The following RNF114 variants were observed in gnomAD, a reference collection of about 807,000 sequenced individuals.
The protein encoded by RNF114 is ring finger protein 114.
A neutral mutation model predicts 28.4 loss-of-function variants in RNF114; 6 were observed. That is an observed-to-expected ratio of 0.21 (90% CI 0.12 to 0.42). The LOEUF (loss-of-function observed/expected upper bound fraction) is 0.42. RNF114 is among the 10% of genes least tolerant of loss of function. The pLI is 1.00. For synonymous variants in RNF114, 115 were observed against 116.7 expected, an observed-to-expected ratio of 0.99 and a Z score of 0.09; for missense variants, 249 against 311.7, an observed-to-expected ratio of 0.80 and a Z score of 1.51.
Position 49,946,235 on chromosome 20 carries a change from G to C in RNF114, c.498G>C (p.Thr166=), listed in dbSNP as rs191315151. The change falls in exon 4 of 6, where the codon ACG becomes ACC. Residue 166 remains threonine (T), a synonymous_variant. Coordinates refer to ENST00000244061, the MANE Select transcript of RNF114 (RefSeq NM_018683.4). Reference sequence around the variant, plus strand: ...AACACTGCAAATTATTCCATAGCACGGATACCAAATCTGTGGTGAGTAACC... The same window carrying C: ...AACACTGCAAATTATTCCATAGCACCGATACCAAATCTGTGGTGAGTAACC... ...LVEHCKLFHS[T]DTKSVVCPIC... 1.7e-5 allele frequency: 27 copies of C among 1,574,772 alleles called. No individual in the cohort carries two copies. The African/African-American group carries it at 3.0e-4, about 18-fold the overall frequency.
intron 1 of RNF114, 84 bp downstream of exon 1, chr20:49,936,636 G>A (rs920319751): frequency 3.3e-5 from 49 of 1,496,300 alleles, no homozygotes; most frequent in Non-Finnish European, 4.0e-5. Flanking sequence ...CTCAGGGCGG[G>A]AGCCAGAGGA....
rs1335939696 is a variant in RNF114, at chr20:49,946,142, T to A, written c.405T>A (p.Val135=). Residue 135 remains valine, a synonymous_variant, in exon 4 of 6, where the codon GTT becomes GTA. Transcript: ENST00000244061. ...IKDASLQPRN[V]PNRYTFPCPY... Reference sequence around the variant, plus strand: ...CCTGTGTTTCACCTTCCAGGAATGTTCCAAACCGTTACACCTTTCCTTGTC... The same window carrying A: ...CCTGTGTTTCACCTTCCAGGAATGTACCAAACCGTTACACCTTTCCTTGTC... The A allele has an allele frequency of 1.3e-6, 2 of 1,588,842 alleles. No individual in the cohort carries two copies. Among genetic ancestry groups the A allele is most frequent in the South Asian group, 2.3e-5 (2 of 86,614 alleles).
intron 5 of RNF114, 67 bp downstream of exon 5, chr20:49,949,422 A>G (rs1314648875): frequency 3.2e-5 from 43 of 1,339,944 alleles, no homozygotes; most frequent in Middle Eastern, 2.5e-4. Context: ...ACTCTTCTCA[A>G]AAGGGGAAAT....
Position 49,952,991 on chromosome 20 carries a change from T to C in RNF114, c.*850T>C, listed in dbSNP as rs76475962. On this transcript the variant is annotated 3_prime_UTR_variant, in exon 6 of 6. Coordinates refer to ENST00000244061, the MANE Select transcript of RNF114 (RefSeq NM_018683.4). Reference sequence around the variant, plus strand: ...CCATTTGGGAGCCTGCCTACATTCTTGTTCTAGAAGCACAAAAAATCCTCA... The same window carrying C: ...CCATTTGGGAGCCTGCCTACATTCTCGTTCTAGAAGCACAAAAAATCCTCA... 1 of 152,296 alleles carries C rather than the reference T, an allele frequency of 6.6e-6. No homozygotes were observed. Among genetic ancestry groups the C allele is most frequent in the South Asian group, 2.1e-4 (1 of 4,824 alleles). The allele number at this position is 152,296 out of a possible 1,614,324, so 9.4% of individuals were successfully genotyped here.
At chr20:49,937,512 A>G (rs2090292406) in intron 1 of RNF114, among the ~76,000 whole-genome samples, 1 of 152,128 alleles carries the variant, frequency 6.6e-6, no homozygotes, top group African/African-American at 2.4e-5. Flanking sequence ...ACAGGTGAAT[A>G]CACTGAGGGT....
chr20:49,939,626 T>G (rs1017530134), intron 1 of RNF114, among the ~76,000 whole-genome samples: 10 of 152,110 alleles, frequency 6.6e-5, no homozygotes, highest in African/African-American at 2.4e-4. Flanking sequence ...TATCAAGTCC[T>G]CCTGATTCTA....
At chr20:49,943,873 G>GATAC (rs1555857476) in intron 2 of RNF114, 1 of 122,136 alleles carries the variant, frequency 8.2e-6, no homozygotes, top group Non-Finnish European at 1.7e-5. Context: ...TACACACAGA[G>GATAC]ATATATATAT....
chr20:49,950,957 T>A (rs1234686304), intron 5 of RNF114, among the ~76,000 whole-genome samples: 1 of 152,128 alleles, frequency 6.6e-6, no homozygotes, highest in African/African-American at 2.4e-5. Context: ...ATACTTCAGG[T>A]CAAATAGCAT....
chr20:49,941,810 G>A, intron 2 of RNF114, 99 bp downstream of exon 2: 2 of 1,289,396 alleles, frequency 1.6e-6, no homozygotes, highest in Non-Finnish European at 2.2e-6. Flanking sequence ...GCATGACTAG[G>A]TCACTAACAG....
chr20:49,947,459 T>A (rs1000844717), intron 4 of RNF114, among the ~76,000 whole-genome samples: 2 of 152,108 alleles, frequency 1.3e-5, no homozygotes, highest in Non-Finnish European at 2.9e-5. Context: ...TAATGAGCTT[T>A]TGTGAGAGTA....
intron 1 of RNF114, among the ~76,000 whole-genome samples, chr20:49,936,921 T>C (rs1267753735): frequency 2.6e-5 from 4 of 152,160 alleles, no homozygotes; most frequent in Non-Finnish European, 5.9e-5. Context: ...TCCACGTCGC[T>C]CTTAAAGCAT....
At chr20:49,940,043 G>C (rs915709333) in intron 1 of RNF114, among the ~76,000 whole-genome samples, 1 of 116,040 alleles carries the variant, frequency 8.6e-6, no homozygotes, top group Non-Finnish European at 1.7e-5. Flanking sequence ...AACAGAGCAC[G>C]ACTCTGTCTC....
chr20:49,945,438 C>T lies in RNF114; in HGVS notation c.348C>T (p.Tyr116=), dbSNP rs201487428. The T allele has an allele frequency of 2.5e-4, 398 of 1,613,584 alleles. 2 individuals are homozygous for T. The highest frequency in any genetic ancestry group is 7.4e-5 in the Non-Finnish European group (87 of 1,179,512). Residue 116 remains tyrosine (Y), a synonymous_variant, in exon 3 of 6, where the codon TAC becomes TAT. Coordinates refer to ENST00000244061, the MANE Select transcript of RNF114 (RefSeq NM_018683.4). Reference sequence around the variant, plus strand: ...CTACTTGTTCCAAATACCAGAATTACATCATGGAAGGTGTGAAGGCCACCA... The same window carrying T: ...CTACTTGTTCCAAATACCAGAATTATATCATGGAAGGTGTGAAGGCCACCA... ...HVATCSKYQN[Y]IMEGVKATIK...
intron 4 of RNF114, among the ~76,000 whole-genome samples, chr20:49,948,143 T>C (rs1459789303): frequency 6.6e-6 from 1 of 152,036 alleles, no homozygotes; most frequent in African/African-American, 2.4e-5. Context: ...GCCATCTCCT[T>C]TTCAGTCTCT....
chr20:49,937,664 C>T (rs1001983198), intron 1 of RNF114, among the ~76,000 whole-genome samples: 1 of 152,204 alleles, frequency 6.6e-6, no homozygotes, highest in Non-Finnish European at 1.5e-5. Flanking sequence ...GGCTATTCAT[C>T]TTTGCAATTC....
Position 49,949,973 on chromosome 20 carries a change from T to C in RNF114, c.621+618T>C, listed in dbSNP as rs535837244. Among the ~76,000 whole-genome samples the C allele has an allele frequency of 3.6e-3, 512 of 141,206 alleles. 2 individuals carry two copies. Among genetic ancestry groups the C allele is most frequent in the African/African-American group, 0.012 (466 of 39,636 alleles). The allele number at this position is 141,206 out of a possible 152,430, so 92.6% of individuals were successfully genotyped here. A position where few individuals can be genotyped will look rare whatever the true frequency, so the allele number is the denominator to read the frequency against. ...TGACATTTAAGAAGATGATCTGGGC[T>C]GGGCGCAGTGGCTCACACCTGTAAT... On this transcript the variant is annotated intron_variant, in intron 5 of 5. Coordinates refer to ENST00000244061, the MANE Select transcript of RNF114 (RefSeq NM_018683.4).
chr20:49,940,053 CAA>C (rs71190515), intron 1 of RNF114, among the ~76,000 whole-genome samples: 3,694 of 75,398 alleles, frequency 0.049, 54 homozygotes, highest in Non-Finnish European at 0.064. Context: ...GACTCTGTCT[CAA>C]AAAAAAAAAA....
chr20:49,949,177 A>G, intron 4 of RNF114, 71 bp from the exon 5 acceptor site: 2 of 1,238,770 alleles, frequency 1.6e-6, no homozygotes, highest in Non-Finnish European at 2.4e-6. Context: ...AAAGGAGGCC[A>G]GACACAGGCC....
intron 1 of RNF114, 122 bp downstream of exon 1, chr20:49,936,674 TC>T: frequency 1.6e-6 from 2 of 1,240,914 alleles, no homozygotes; most frequent in East Asian, 3.1e-5. Flanking sequence ...CCCGGGGGTG[TC>T]CCCCGGGGCT....
Sources: gnomAD v4.1 joint callset for allele counts (sites outside exome capture counted in the v4.1 genomes callset) on GRCh38, gnomAD v4.1.1 for gene constraint, MANE v1.5 for transcripts, NCBI Gene and HGNC (gene_info 2026-07-23, HGNC 2026-07-21) for gene names.